The following KIAA1328 variants were observed in gnomAD, a reference collection of about 807,000 sequenced individuals.
KIAA1328 encodes the protein protein hinderin.
KIAA1328 carries 52 observed loss-of-function variants against 68.1 expected under a neutral mutation model. That is an observed-to-expected ratio of 0.76 (90% CI 0.61 to 0.96). KIAA1328 has a LOEUF of 0.96. Among genes scored for constraint, KIAA1328 ranks in the 40% least tolerant of loss-of-function variants. The pLI is 0.00. For synonymous variants in KIAA1328, 232 were observed against 239.4 expected (o/e 0.97, Z 0.28); for missense variants, 641 against 677.6 (o/e 0.95, Z 0.60).
intron 5 of KIAA1328, among the ~76,000 whole-genome samples, chr18:36,940,746 G>A (rs1045641842): frequency 7.3e-5 from 11 of 150,776 alleles, no homozygotes; most frequent in Admixed American, 2.7e-4. Context: ...TGCGAACTCG[G>A]CTCACTGCAA....
intron 1 of KIAA1328, chr18:36,833,525 G>T (rs1341460919): frequency 6.6e-6 from 1 of 152,100 alleles, no homozygotes; most frequent in Non-Finnish European, 1.5e-5. Context: ...TAATACTTTG[G>T]CTTTTAATCT....
At chr18:37,054,028 G>C (rs1001249293) in intron 6 of KIAA1328, among the ~76,000 whole-genome samples, 3 of 150,712 alleles carry the variant, frequency 2.0e-5, no homozygotes, top group Non-Finnish European at 3.0e-5. Flanking sequence ...AAGAAGATAT[G>C]TAAGTGGCCA....
intron 9 of KIAA1328, among the ~76,000 whole-genome samples, chr18:37,216,371 A>G (rs2060433556): frequency 6.6e-6 from 1 of 152,146 alleles, no homozygotes. Flanking sequence ...GTTTCAAAGA[A>G]CATCTTTCTT....
chr18:37,203,887 G>T (rs2060163977), intron 9 of KIAA1328, among the ~76,000 whole-genome samples: 1 of 151,294 alleles, frequency 6.6e-6, no homozygotes, highest in Non-Finnish European at 1.5e-5. Flanking sequence ...TCAGCTCACT[G>T]CAAGCTCCGC....
Position 37,225,003 on chromosome 18 carries a change from C to G in KIAA1328, c.*2776C>G, listed in dbSNP as rs2060621612. Reference sequence around the variant, plus strand: ...TCCAGGAGGCAAACTTGTGTTTATCCAAACCTGATCCCCATGATGGGGACT... The same window carrying G: ...TCCAGGAGGCAAACTTGTGTTTATCGAAACCTGATCCCCATGATGGGGACT... On this transcript the variant is annotated 3_prime_UTR_variant, in exon 10 of 10. Coordinates refer to ENST00000280020, the MANE Select transcript of KIAA1328 (RefSeq NM_020776.3). 3 of 985,390 alleles carry G rather than the reference C, an allele frequency of 3.0e-6. No homozygotes were observed. In the South Asian group the frequency reaches 1.4e-4, roughly 46 times the overall value. The allele number at this position is 985,390 out of a possible 1,614,324, so 61.0% of individuals were successfully genotyped here.
intron 7 of KIAA1328, among the ~76,000 whole-genome samples, chr18:37,082,424 G>A (rs915347782): frequency 3.9e-5 from 6 of 152,112 alleles, no homozygotes; most frequent in African/African-American, 9.6e-5. Context: ...TGCCCGCCTC[G>A]GTCTCCCAAA....
At chr18:36,965,519 G>GGCATGT (rs201510113) in intron 6 of KIAA1328, among the ~76,000 whole-genome samples, 142,632 of 142,646 alleles carry the variant, frequency 1, 71,309 homozygotes, top group East Asian at 1. Context: ...CAGGCGTGGT[G>GGCATGT]GCCACCACGC....
intron 5 of KIAA1328, among the ~76,000 whole-genome samples, chr18:36,912,135 A>G (rs2049477721): frequency 6.6e-6 from 1 of 152,158 alleles, no homozygotes. Context: ...TCTTGAAAGT[A>G]TATGTATTCA....
chr18:37,223,370 G>A lies in KIAA1328; in HGVS notation c.*1143G>A. The A allele has an allele frequency of 6.1e-6, 6 of 985,340 alleles. No homozygotes were observed. The highest frequency in any genetic ancestry group is 7.2e-6 in the Non-Finnish European group (6 of 829,938). 61.0% of individuals were successfully genotyped at this position (985,340 alleles called of 1,614,324 possible). On this transcript the variant is annotated 3_prime_UTR_variant, in exon 10 of 10. Coordinates refer to ENST00000280020, the MANE Select transcript of KIAA1328 (RefSeq NM_020776.3). ...ATGCAGTGCAGACCTCATCCTGTCT[G>A]CTGTCTTTTCTCCCACAGAGCTCTT...
Position 37,223,852 on chromosome 18 carries a change from G to C in KIAA1328, c.*1625G>C, listed in dbSNP as rs536986899. ...GTTTTTTATTCTTTGGAGTAGAAAA[G>C]AATGGAGCCCACTAATATTATATTT... On this transcript the variant is annotated 3_prime_UTR_variant, in exon 10 of 10. Transcript: ENST00000280020. 1.0e-6 allele frequency: 1 copy of C among 984,596 alleles called. No individual in the cohort carries two copies. Among genetic ancestry groups the C allele is most frequent in the South Asian group, 4.7e-5 (1 of 21,258 alleles). 61.0% of individuals were successfully genotyped at this position (984,596 alleles called of 1,614,324 possible).
At chr18:37,110,263 T>G (rs998982363) in intron 7 of KIAA1328, among the ~76,000 whole-genome samples, 1 of 152,168 alleles carries the variant, frequency 6.6e-6, no homozygotes, top group Non-Finnish European at 1.5e-5. Context: ...TGTATTGCAG[T>G]GTTTCACTTA....
chr18:37,162,864 C>T (rs2059310928), intron 8 of KIAA1328, among the ~76,000 whole-genome samples: 2 of 150,874 alleles, frequency 1.3e-5, no homozygotes, highest in South Asian at 2.1e-4. Context: ...ATTCTGCCAG[C>T]TTTATGATGC....
intron 7 of KIAA1328, among the ~76,000 whole-genome samples, chr18:37,114,266 A>T (rs1359093505): frequency 2.0e-5 from 3 of 152,142 alleles, no homozygotes; most frequent in Non-Finnish European, 1.5e-5. Flanking sequence ...GAAGTAAAGC[A>T]CTCCTCAGCA....
intron 5 of KIAA1328, among the ~76,000 whole-genome samples, chr18:36,915,191 AG>A (rs2049639030): frequency 6.6e-6 from 1 of 152,226 alleles, no homozygotes; most frequent in Non-Finnish European, 1.5e-5. Context: ...ACAGATCCAT[AG>A]ATTAATGGAG....
chr18:36,887,942 C>T (rs1475937129), intron 5 of KIAA1328, among the ~76,000 whole-genome samples: 1 of 152,100 alleles, frequency 6.6e-6, no homozygotes, highest in African/African-American at 2.4e-5. Flanking sequence ...AGAGTGGGCC[C>T]TTGTTTGGTA....
intron 9 of KIAA1328, among the ~76,000 whole-genome samples, chr18:37,208,500 T>C (rs1402440342): frequency 6.6e-6 from 1 of 152,162 alleles, no homozygotes; most frequent in Non-Finnish European, 1.5e-5. Context: ...GCGAATATTG[T>C]GAATCAGGTG....
intron 5 of KIAA1328, chr18:36,902,517 G>A (rs1233328327): frequency 6.6e-6 from 1 of 152,032 alleles, no homozygotes; most frequent in East Asian, 1.9e-4. Flanking sequence ...TGTGTTTTAA[G>A]TGCTATGCCA....
At chr18:36,993,595 A>G (rs921857393) in intron 6 of KIAA1328, among the ~76,000 whole-genome samples, 1 of 152,168 alleles carries the variant, frequency 6.6e-6, no homozygotes, top group Non-Finnish European at 1.5e-5. Flanking sequence ...TTGAAAGGTA[A>G]TGTATTTAAG....
chr18:37,067,065 C>T lies in KIAA1328; in HGVS notation c.752C>T (p.Thr251Ile), dbSNP rs766682587. ...AGGAATAATTCTTTGAAACCAGTAACCCTTCATCATCCCAAAGATGATCTA... is the reference window on the plus strand; with the variant it reads ...AGGAATAATTCTTTGAAACCAGTAATCCTTCATCATCCCAAAGATGATCTA... ...AFRNNSLKPV[T>I]LHHPKDDLDK... Residue 251 changes from threonine (T) to isoleucine (I), a missense_variant, in exon 7 of 10, where the codon ACC becomes ATC. Physicochemically the swap from Thr to Ile is moderately conservative, Grantham distance 89 (BLOSUM62 -1). Transcript: ENST00000280020. 9.9e-6 allele frequency: 16 copies of T among 1,613,832 alleles called. No individual in the cohort carries two copies. In the East Asian group the frequency reaches 3.3e-4, roughly 34 times the overall value.
Sources: gnomAD v4.1 joint callset for allele counts (sites outside exome capture counted in the v4.1 genomes callset) on GRCh38, gnomAD v4.1.1 for gene constraint, MANE v1.5 for transcripts, NCBI Gene and HGNC (gene_info 2026-07-23, HGNC 2026-07-21) for gene names.